The following ERP44 variants were observed in gnomAD, a reference collection of about 807,000 sequenced individuals.
The protein encoded by ERP44 is endoplasmic reticulum protein 44.
In ERP44, 25 loss-of-function variants were observed where a neutral mutation model predicts 53.4. The observed-to-expected ratio is 0.47, with a 90% CI of 0.34 to 0.65. The LOEUF (loss-of-function observed/expected upper bound fraction) is 0.65, where lower values mean the gene tolerates loss of function less well. ERP44 is among the 30% of genes least tolerant of loss of function. The pLI is 0.01. For synonymous variants in ERP44, 145 were observed against 161.2 expected (o/e 0.90, Z 0.76); for missense variants, 338 against 493.2 (o/e 0.69, Z 2.98).
At chr9:100,067,150 G>A (rs139796873) in intron 1 of ERP44, among the ~76,000 whole-genome samples, 1 of 149,136 alleles carries the variant, frequency 6.7e-6, no homozygotes, top group East Asian at 1.9e-4. Flanking sequence ...AACCGCTCTC[G>A]CTCTCGCTCT....
chr9:100,022,565 C>T (rs560423331), intron 4 of ERP44, among the ~76,000 whole-genome samples: 9 of 152,222 alleles, frequency 5.9e-5, no homozygotes, highest in South Asian at 4.2e-4. Flanking sequence ...ATACAACAGA[C>T]GCCACAGTAA....
At chr9:100,069,817 C>CA (rs1251206037) in intron 1 of ERP44, among the ~76,000 whole-genome samples, 1 of 152,076 alleles carries the variant, frequency 6.6e-6, no homozygotes, top group African/African-American at 2.4e-5. Flanking sequence ...AAATTTGTTG[C>CA]AATTCATACT....
chr9:100,078,455 CAA>C (rs61442605), intron 1 of ERP44, among the ~76,000 whole-genome samples: 7 of 114,704 alleles, frequency 6.1e-5, no homozygotes, highest in Admixed American at 1.8e-4. Flanking sequence ...AAGACTCTAT[CAA>C]AAAAAAAAAA....
chr9:100,005,080 G>T (rs1322450268), intron 10 of ERP44, among the ~76,000 whole-genome samples: 1 of 152,164 alleles, frequency 6.6e-6, no homozygotes, highest in African/African-American at 2.4e-5. Context: ...GGACTTTCAT[G>T]TGTTAGTTCT....
intron 1 of ERP44, among the ~76,000 whole-genome samples, chr9:100,068,215 G>C (rs1278245798): frequency 1.4e-5 from 2 of 145,136 alleles, no homozygotes; most frequent in African/African-American, 5.1e-5. Flanking sequence ...AGGGGGGTCA[G>C]CCCTGCGCCC....
At chr9:100,073,788 G>A (rs1364557278) in intron 1 of ERP44, among the ~76,000 whole-genome samples, 3 of 152,106 alleles carry the variant, frequency 2.0e-5, no homozygotes, top group Middle Eastern at 6.3e-3. Context: ...AACAGCAGAG[G>A]CTTTTCAAAC....
intron 1 of ERP44, among the ~76,000 whole-genome samples, chr9:100,063,529 T>TAA (rs1826178784): frequency 1.3e-5 from 2 of 152,174 alleles, no homozygotes; most frequent in African/African-American, 2.4e-5. Context: ...TCAAATGCTA[T>TAA]AGTGCTTAAG....
intron 4 of ERP44, among the ~76,000 whole-genome samples, chr9:100,039,318 T>A (rs749369968): frequency 1.3e-5 from 2 of 152,082 alleles, no homozygotes; most frequent in Admixed American, 6.5e-5. Context: ...TTCAAAAAAA[T>A]TGAAATTATC....
rs56066117 is a variant in ERP44, at chr9:100,043,258, C to CAAA, written c.286+9156_286+9158dup. ...TGGGCAACAGAGCGAGACTCTGTCT[C>CAAA]AAAAAAAAAAAAAAAAAAAAAAAAA... On this transcript the variant is annotated intron_variant, in intron 4 of 11. Coordinates refer to ENST00000262455, the MANE Select transcript of ERP44 (RefSeq NM_015051.3). Among the ~76,000 whole-genome samples the CAAA allele has an allele frequency of 1.8e-3, 37 of 20,268 alleles. 4 individuals are homozygous for CAAA. The highest frequency in any genetic ancestry group is 4.9e-3 in the South Asian group (1 of 204). The allele number at this position is 20,268 out of a possible 152,430, so 13.3% of individuals were successfully genotyped here.
rs189655795 is a variant in ERP44 at position 100,023,904 on chromosome 9, C to T, written c.287-1678G>A. On this transcript the variant is annotated intron_variant, in intron 4 of 11. Coordinates refer to ENST00000262455, the MANE Select transcript of ERP44 (RefSeq NM_015051.3). ...GCCCAGGGGCTCATGCCTGTAATCC[C>T]AGAAGTTTGGGAGAATGAGGCGGGT... is the stretch of plus-strand genomic sequence containing the variant. Among the ~76,000 whole-genome samples the T allele has an allele frequency of 4.6e-3, 697 of 152,194 alleles. 6 individuals are homozygous for T. The highest frequency in any genetic ancestry group is 0.016 in the African/African-American group (655 of 41,522).
intron 1 of ERP44, among the ~76,000 whole-genome samples, chr9:100,064,261 C>T (rs914142274): frequency 5.3e-5 from 8 of 152,132 alleles, no homozygotes; most frequent in African/African-American, 1.9e-4. Context: ...TCACTGTACC[C>T]TGTTTGTACA....
chr9:100,070,410 T>C (rs1826287393), intron 1 of ERP44, among the ~76,000 whole-genome samples: 2 of 152,190 alleles, frequency 1.3e-5, no homozygotes, highest in African/African-American at 4.8e-5. Flanking sequence ...ATATTTTAAT[T>C]TAAAAGTCAT....
At chr9:100,063,486 A>G (rs930807790) in intron 1 of ERP44, among the ~76,000 whole-genome samples, 1 of 152,194 alleles carries the variant, frequency 6.6e-6, no homozygotes, top group African/African-American at 2.4e-5. Flanking sequence ...CCTGGGCAGC[A>G]ACAAGATTCT....
At position 99,998,966 on chromosome 9, in the gene ERP44, T is replaced by C; in HGVS notation, c.1016+7540A>G. The stretch of plus-strand genomic sequence containing the variant: ...AGTAGGTTTCTAAAAAGTTTTTATA[T>C]TCTGGATCTCAGGTCGGCGGCAAAG... On this transcript the variant is annotated intron_variant, in intron 10 of 11. Transcript: ENST00000262455. 2.7e-6 allele frequency: 4 copies of C among 1,482,712 alleles called. No individual in the cohort carries two copies. The East Asian group carries it at 9.1e-5, about 34-fold the overall frequency. The allele number at this position is 1,482,712 out of a possible 1,614,324, so 91.8% of individuals were successfully genotyped here.
At chr9:100,019,735 T>C (rs957044736) in intron 6 of ERP44, among the ~76,000 whole-genome samples, 1 of 151,930 alleles carries the variant, frequency 6.6e-6, no homozygotes, top group Non-Finnish European at 1.5e-5. Context: ...AATGTAAGTG[T>C]TGACACAGCA....
intron 4 of ERP44, among the ~76,000 whole-genome samples, chr9:100,039,544 A>G (rs970644575): frequency 2.0e-5 from 3 of 152,102 alleles, no homozygotes; most frequent in African/African-American, 4.8e-5. Flanking sequence ...GAACTAAGAG[A>G]GAAGTTTATG....
At chr9:100,087,278 T>C (rs1364178758) in intron 1 of ERP44, among the ~76,000 whole-genome samples, 2 of 152,160 alleles carry the variant, frequency 1.3e-5, no homozygotes, top group Non-Finnish European at 2.9e-5. Context: ...ACTTATTCAC[T>C]TAACAGTCAC....
chr9:100,026,238 C>T (rs1189864479), intron 4 of ERP44, among the ~76,000 whole-genome samples: 1 of 152,142 alleles, frequency 6.6e-6, no homozygotes, highest in African/African-American at 2.4e-5. Flanking sequence ...CGAAAAATCT[C>T]CTATGGCCTC....
Position 100,089,383 on chromosome 9 carries a change from C to T in ERP44, c.57+9401G>A, listed in dbSNP as rs1826523020. Among the ~76,000 whole-genome samples, 5 of 151,988 alleles carry T rather than the reference C, an allele frequency of 3.3e-5. No individual in the cohort carries two copies. The South Asian group carries it at 1.0e-3, about 31-fold the overall frequency. The stretch of plus-strand genomic sequence containing the variant: ...ATCACCTTAGGTCAGGAGTTCGAGA[C>T]CAGCCAAGCCAGCATGGCAAAACCC... On this transcript the variant is annotated intron_variant, in intron 1 of 11. Transcript: ENST00000262455.
Sources: gnomAD v4.1 joint callset for allele counts (sites outside exome capture counted in the v4.1 genomes callset) on GRCh38, gnomAD v4.1.1 for gene constraint, MANE v1.5 for transcripts, NCBI Gene and HGNC (gene_info 2026-07-23, HGNC 2026-07-21) for gene names.